The following HTT variants were observed in gnomAD, a reference collection of about 807,000 sequenced individuals.
HTT encodes the protein huntington disease protein.
Under a neutral mutation model 362.3 loss-of-function variants are expected in HTT, and 104 were observed. The observed-to-expected ratio is 0.29, with a 90% CI of 0.24 to 0.34. The LOEUF (loss-of-function observed/expected upper bound fraction) is 0.34. Ranked by LOEUF, HTT falls within the 10% of genes least tolerant of loss-of-function variation. HTT has a pLI of 1.00. For missense variants in HTT, 3,301 were observed against 3,928.6 expected, an observed-to-expected ratio of 0.84 and a Z score of 4.27; for synonymous variants, 1,577 against 1,548.7, an observed-to-expected ratio of 1.02 and a Z score of -0.43.
chr4:3,091,378 G>C lies in HTT; in HGVS notation c.347+4356G>C, dbSNP rs79684790. ...AAGTTCAGATTAATTACCTAAATGT[G>C]AAAAAATGAAATAATTTCTTTAAAA... On this transcript the variant is annotated intron_variant, in intron 2 of 66. Coordinates refer to ENST00000355072, the MANE Select transcript of HTT (RefSeq NM_001388492.1). Among the ~76,000 whole-genome samples the C allele has an allele frequency of 5.1e-3, 774 of 152,180 alleles. 8 individuals carry two copies. The highest frequency in any genetic ancestry group is 0.018 in the African/African-American group (743 of 41,510).
chr4:3,201,529 CAAAAAAAAA>C (rs925357780), intron 41 of HTT, among the ~76,000 whole-genome samples: 3 of 61,690 alleles, frequency 4.9e-5, no homozygotes, highest in South Asian at 5.9e-4. Context: ...GACTCCATCT[CAAAAAAAAA>C]AAAAAAAAAA....
chr4:3,084,030 T>G (rs1713066176), intron 1 of HTT, among the ~76,000 whole-genome samples: 3 of 152,162 alleles, frequency 2.0e-5, no homozygotes, highest in Admixed American at 1.3e-4. Context: ...ATTCTATGTT[T>G]TTTTGCAATG....
rs147996884 is a variant in HTT at position 3,232,796 on chromosome 4, G to A, written c.8266-367G>A. Among the ~76,000 whole-genome samples, 14 of 152,332 alleles carry A rather than the reference G, an allele frequency of 9.2e-5. No individual in the cohort carries two copies. In the South Asian group the frequency reaches 1.2e-3, roughly 14 times the overall value. ...GTGACAGCGCGTGTGCAGTGTCGTC[G>A]CCAGGAAAGCACACTAGAGACTCGG... is the stretch of plus-strand genomic sequence containing the variant. On this transcript the variant is annotated intron_variant, in intron 60 of 66. Transcript: ENST00000355072.
rs775048382 is a variant in HTT, at chr4:3,131,290, G to A, written c.1991G>A (p.Cys664Tyr). Residue 664 changes from cysteine to tyrosine, a missense_variant, in exon 15 of 67, where the codon TGC becomes TAC. By Grantham distance (194) the Cys-to-Tyr change is radical. Around this residue, in one of 4 missense-constraint regions of HTT, gnomAD observed 2,316 missense variants for 2,658.5 expected, o/e 0.87. Transcript: ENST00000355072. ...TEPGDQENKP[C>Y]RIKGDIGQST... Reference sequence around the variant, plus strand: ...GTGTCATTGTCTCCTTTCTAGCCTTGCCGCATCAAAGGTGACATTGGACAG... The same window carrying A: ...GTGTCATTGTCTCCTTTCTAGCCTTACCGCATCAAAGGTGACATTGGACAG... 1.2e-6 allele frequency: 2 copies of A among 1,610,220 alleles called. No homozygotes were observed. The highest frequency in any genetic ancestry group is 3.3e-5 in the Admixed American group (2 of 60,000).
chr4:3,077,915 T>G (rs1322952778), intron 1 of HTT, among the ~76,000 whole-genome samples: 1 of 152,244 alleles, frequency 6.6e-6, no homozygotes, highest in Non-Finnish European at 1.5e-5. Flanking sequence ...TCTGTTCACG[T>G]GCTTCAGCCA....
In HTT at chr4:3,129,909, C is replaced by G. The variant is rs1324332989; in HGVS notation, c.1744-15C>G. 2 of 1,613,840 alleles carry G rather than the reference C, an allele frequency of 1.2e-6. No homozygotes were observed. The highest frequency in any genetic ancestry group is 8.5e-7 in the Non-Finnish European group (1 of 1,179,902). ...CACACTTCAAAATTCTCACAGCCCC[C>G]CTTGAACCGTTTAGGTGTTAGACGG... On this transcript the variant is annotated splice_polypyrimidine_tract_variant and intron_variant, in intron 12 of 66. Coordinates refer to ENST00000355072, the MANE Select transcript of HTT (RefSeq NM_001388492.1).
chr4:3,095,408 C>G (rs1713806556), intron 2 of HTT, among the ~76,000 whole-genome samples: 1 of 152,202 alleles, frequency 6.6e-6, no homozygotes, highest in Non-Finnish European at 1.5e-5. Flanking sequence ...TGCCTGCAAT[C>G]CCAGGCACTT....
At chr4:3,131,801 T>A (rs762740943) in intron 16 of HTT, 26 bp downstream of exon 16, 2 of 1,596,150 alleles carry the variant, frequency 1.3e-6, no homozygotes, top group African/African-American at 2.7e-5. Context: ...ACATCTTATT[T>A]TCTCAGATTT....
intron 26 of HTT, among the ~76,000 whole-genome samples, chr4:3,151,819 G>A (rs548022710): frequency 3.9e-5 from 6 of 152,270 alleles, no homozygotes; most frequent in Admixed American, 2.0e-4. Flanking sequence ...CATAATACAT[G>A]TACATATGCA....
At chr4:3,229,848 C>T (rs778713714) in intron 59 of HTT, 39 bp from the exon 60 acceptor site, 16 of 1,609,462 alleles carry the variant, frequency 9.9e-6, no homozygotes, top group African/African-American at 6.7e-5. Flanking sequence ...TCTAACAGCG[C>T]GATTCTCCCC....
chr4:3,237,721 C>T (rs550336330), intron 64 of HTT, among the ~76,000 whole-genome samples: 6 of 152,280 alleles, frequency 3.9e-5, no homozygotes, highest in East Asian at 1.9e-4. Context: ...CTGCCATTTT[C>T]GTAGCTGCTT....
At chr4:3,231,669 G>C (rs1721261539) in intron 60 of HTT, among the ~76,000 whole-genome samples, 1 of 151,070 alleles carries the variant, frequency 6.6e-6, no homozygotes, top group Non-Finnish European at 1.5e-5. Flanking sequence ...GGAAACAATT[G>C]AGTGTGTGGG....
At chr4:3,205,317 T>C (rs1262124003) in intron 42 of HTT, among the ~76,000 whole-genome samples, 3 of 152,180 alleles carry the variant, frequency 2.0e-5, no homozygotes, top group African/African-American at 7.2e-5. Flanking sequence ...TAGATACTAC[T>C]GTCACATAGC....
intron 39 of HTT, 21 bp downstream of exon 39, chr4:3,187,907 T>A (rs1718842429): frequency 1.4e-6 from 2 of 1,451,562 alleles, no homozygotes; most frequent in African/African-American, 2.8e-5. Context: ...TATCTGAGCC[T>A]ATAACTAACC....
rs1715753876 is a variant in HTT, at chr4:3,130,442, A to G, written c.1986+19A>G. The G allele has an allele frequency of 1.5e-6, 2 of 1,358,120 alleles. No individual in the cohort carries two copies. Among genetic ancestry groups the G allele is most frequent in the African/African-American group, 1.4e-5 (1 of 69,122 alleles). 84.1% of individuals were successfully genotyped at this position (1,358,120 alleles called of 1,614,324 possible). A position where few individuals can be genotyped will look rare whatever the true frequency, so the allele number is the denominator to read the frequency against. On this transcript the variant is annotated intron_variant, in intron 14 of 66. Coordinates refer to ENST00000355072, the MANE Select transcript of HTT (RefSeq NM_001388492.1). ...AAACAAGGTGAGGGACATAGGCTTG[A>G]GACGACTTGGTGTTTCTGAGCTTGT...
chr4:3,140,668 C>A lies in HTT; in HGVS notation c.2945+12C>A, dbSNP rs770898587. 10 of 1,609,948 alleles carry A rather than the reference C, an allele frequency of 6.2e-6. No individual in the cohort carries two copies. The highest frequency in any genetic ancestry group is 7.6e-6 in the Non-Finnish European group (9 of 1,177,434). On this transcript the variant is annotated intron_variant, in intron 22 of 66. Coordinates refer to ENST00000355072, the MANE Select transcript of HTT (RefSeq NM_001388492.1). ...AGCACAATAACCAGGTATGCTGACC[C>A]AGTGGCATCTTCACATTGTCGGGAA...
At chr4:3,152,437 AT>A (rs1716946000) in intron 26 of HTT, among the ~76,000 whole-genome samples, 1 of 152,090 alleles carries the variant, frequency 6.6e-6, no homozygotes, top group Non-Finnish European at 1.5e-5. Flanking sequence ...TAATTCACCC[AT>A]TTAAAGTATA....
At chr4:3,099,917 G>T (rs1560546802) in intron 3 of HTT, among the ~76,000 whole-genome samples, 2 of 142,670 alleles carry the variant, frequency 1.4e-5, no homozygotes, top group African/African-American at 5.6e-5. Context: ...GAGGTGCTCT[G>T]TTGTATGGTT....
At chr4:3,221,425 G>A (rs1021084451) in intron 53 of HTT, among the ~76,000 whole-genome samples, 3 of 152,162 alleles carry the variant, frequency 2.0e-5, no homozygotes, top group African/African-American at 2.4e-5. Flanking sequence ...CCCATCGGAC[G>A]TGCGTGACCC....
Sources: gnomAD v4.1 joint callset for allele counts (sites outside exome capture counted in the v4.1 genomes callset) on GRCh38, gnomAD v4.1.1 for gene constraint, gnomAD v4.1.1 regional missense constraint, MANE v1.5 for transcripts, NCBI Gene and HGNC (gene_info 2026-07-23, HGNC 2026-07-21) for gene names.